PRKAR1B: variants seen among roughly 807,000 people sequenced by gnomAD.
PRKAR1B encodes cAMP-dependent protein kinase type I-beta regulatory subunit.
Under a neutral mutation model 46.5 loss-of-function variants are expected in PRKAR1B, and 22 were observed. The ratio of observed to expected loss-of-function variants is 0.47; its 90% CI spans 0.34 to 0.68. The LOEUF is 0.68. Ranked by LOEUF, PRKAR1B falls within the 30% of genes least tolerant of loss-of-function variation. PRKAR1B has a pLI of 0.01. For synonymous variants in PRKAR1B, 259 were observed against 217.7 expected, an observed-to-expected ratio of 1.19 and a Z score of -1.67; for missense variants, 445 against 535.6, an observed-to-expected ratio of 0.83 and a Z score of 1.67.
rs1223866475 is a variant in PRKAR1B, at chr7:666,817, G to A, written c.440+10412C>T. On this transcript the variant is annotated intron_variant, in intron 4 of 10. Coordinates refer to ENST00000537384, the MANE Select transcript of PRKAR1B (RefSeq NM_001164760.2). This position sits in a 1 kb window ranked among gnomAD's most constrained non-coding sequence, Gnocchi z 4.9. ...CAAGTACTGAGTGGGGCCTGACTGC[G>A]GGGTCTGTCTGGATAGCCGGGCCAG... 2.0e-5 allele frequency among the ~76,000 whole-genome samples: 3 copies of A among 152,226 alleles called. No homozygotes were observed. The highest frequency in any genetic ancestry group is 4.8e-5 in the African/African-American group (2 of 41,456).
At chr7:584,100 G>T (rs1232128192) in intron 8 of PRKAR1B, among the ~76,000 whole-genome samples, 2 of 152,156 alleles carry the variant, frequency 1.3e-5, no homozygotes, top group Admixed American at 6.5e-5. Flanking sequence ...GCTTAGAAGG[G>T]AACTAGCACA....
At chr7:715,995 G>A (rs1261313719) in intron 1 of PRKAR1B, among the ~76,000 whole-genome samples, 2 of 151,728 alleles carry the variant, frequency 1.3e-5, no homozygotes, top group Non-Finnish European at 2.9e-5. Context: ...GATTACAGGC[G>A]TGAGCCACCG....
At chr7:642,943 A>C (rs1375342538) in intron 4 of PRKAR1B, among the ~76,000 whole-genome samples, 3 of 151,030 alleles carry the variant, frequency 2.0e-5, no homozygotes, top group Admixed American at 2.0e-4. Context: ...TGATTTTGCC[A>C]CTCTGAGCCT....
chr7:697,940 AGG>A (rs1779840175), intron 2 of PRKAR1B, among the ~76,000 whole-genome samples: 1 of 64,188 alleles, frequency 1.6e-5, no homozygotes, highest in Non-Finnish European at 2.9e-5. Context: ...AGGGAAGGGA[AGG>A]GACGGGAGGG....
At chr7:726,418 C>T (rs972341300) in intron 1 of PRKAR1B, among the ~76,000 whole-genome samples, 1 of 152,172 alleles carries the variant, frequency 6.6e-6, no homozygotes, top group African/African-American at 2.4e-5. Context: ...GCAGGGCAGG[C>T]TTCCCTAGGG....
intron 9 of PRKAR1B, among the ~76,000 whole-genome samples, chr7:571,046 G>A (rs1779480487): frequency 6.6e-6 from 1 of 152,232 alleles, no homozygotes; most frequent in African/African-American, 2.4e-5. Flanking sequence ...TGATGCCTGG[G>A]AAACATGTAT....
chr7:639,034 C>T (rs181008883), intron 4 of PRKAR1B, among the ~76,000 whole-genome samples: 93 of 152,154 alleles, frequency 6.1e-4, no homozygotes, highest in South Asian at 1.5e-3. Context: ...GCCAAAATCG[C>T]GCCACTGTAC....
chr7:673,263 A>G (rs73256214), intron 4 of PRKAR1B, among the ~76,000 whole-genome samples: 49 of 152,146 alleles, frequency 3.2e-4, no homozygotes, highest in African/African-American at 1.1e-3. Flanking sequence ...TGAATTTTCA[A>G]CCGGGTGAAC....
chr7:576,858 C>G (rs564781555), intron 9 of PRKAR1B, among the ~76,000 whole-genome samples: 13 of 152,194 alleles, frequency 8.5e-5, no homozygotes, highest in African/African-American at 3.1e-4. Flanking sequence ...TGCAGGGGCC[C>G]GAGCCTGGGT....
At position 593,828 on chromosome 7, in the gene PRKAR1B, G is replaced by A. The variant is rs1781120624; in HGVS notation, c.708+2318C>T. On this transcript the variant is annotated intron_variant, in intron 7 of 10. Coordinates refer to ENST00000537384, the MANE Select transcript of PRKAR1B (RefSeq NM_001164760.2). The surrounding 1 kb of genome is among the most constrained non-coding windows in gnomAD (Gnocchi z 6.1). ...CAGCAGCACAGGAGCCCCAGACCCA[G>A]GGTGGGCACCCCAGCAATGCCCCAC... is the stretch of plus-strand genomic sequence containing the variant. Among the ~76,000 whole-genome samples, 1 of 152,192 alleles carries A rather than the reference G, an allele frequency of 6.6e-6. No individual in the cohort carries two copies. Among genetic ancestry groups the A allele is most frequent in the Non-Finnish European group, 1.5e-5 (1 of 68,020 alleles).
chr7:652,397 C>T (rs868269701), intron 4 of PRKAR1B, among the ~76,000 whole-genome samples: 5 of 150,410 alleles, frequency 3.3e-5, no homozygotes, highest in South Asian at 2.1e-4. Flanking sequence ...AGTTCACACC[C>T]GTGCAGCACT....
At chr7:678,394 C>T (rs1778459601) in intron 3 of PRKAR1B, among the ~76,000 whole-genome samples, 1 of 152,196 alleles carries the variant, frequency 6.6e-6, no homozygotes, top group East Asian at 1.9e-4. Context: ...GTAGTGTGTG[C>T]CTGTATGCAG....
At chr7:564,246 G>A (rs35990999) in intron 9 of PRKAR1B, among the ~76,000 whole-genome samples, 1,627 of 152,256 alleles carry the variant, frequency 0.011, 24 homozygotes, top group Middle Eastern at 0.034. Flanking sequence ...CTGGATGGAC[G>A]GGAGGTGGGG....
At chr7:636,784 T>A (rs1003176977) in intron 4 of PRKAR1B, among the ~76,000 whole-genome samples, 1 of 152,228 alleles carries the variant, frequency 6.6e-6, no homozygotes, top group East Asian at 1.9e-4. Flanking sequence ...TCTCTGCACC[T>A]GCACGCCCCT....
intron 4 of PRKAR1B, among the ~76,000 whole-genome samples, chr7:633,013 C>A (rs919368568): frequency 6.6e-6 from 1 of 152,240 alleles, no homozygotes; most frequent in Non-Finnish European, 1.5e-5. Flanking sequence ...GCGCGCGGGT[C>A]GTAGTGAGAT....
intron 2 of PRKAR1B, among the ~76,000 whole-genome samples, chr7:711,106 G>C (rs111366766): frequency 3.9e-5 from 6 of 152,214 alleles, no homozygotes; most frequent in African/African-American, 1.4e-4. Context: ...CTGTGGCTCA[G>C]AGGACCCCAC....
chr7:658,713 C>T (rs1006761532), intron 4 of PRKAR1B, among the ~76,000 whole-genome samples: 1 of 152,074 alleles, frequency 6.6e-6, no homozygotes, highest in African/African-American at 2.4e-5. Flanking sequence ...TGCAGTGGTG[C>T]ATTCTCAGCT....
intron 1 of PRKAR1B, among the ~76,000 whole-genome samples, chr7:722,357 C>G (rs1473313169): frequency 6.6e-6 from 1 of 151,108 alleles, no homozygotes; most frequent in African/African-American, 2.4e-5. Flanking sequence ...CCGCCTCGGC[C>G]TCACAAAGTG....
intron 3 of PRKAR1B, among the ~76,000 whole-genome samples, chr7:677,965 G>A (rs1303944567): frequency 2.0e-5 from 3 of 152,038 alleles, no homozygotes; most frequent in Admixed American, 2.0e-4. Flanking sequence ...GACAATGCTA[G>A]GTGTATCTAA....
Sources: gnomAD v4.1 joint callset for allele counts (sites outside exome capture counted in the v4.1 genomes callset) on GRCh38, gnomAD v4.1.1 for gene constraint, Gnocchi (gnomAD v3.1) non-coding constraint, MANE v1.5 for transcripts, NCBI Gene and HGNC (gene_info 2026-07-23, HGNC 2026-07-21) for gene names.